ST3GAL2: variants seen among roughly 807,000 people sequenced by gnomAD.
ST3GAL2 encodes the protein ST3 beta-galactoside alpha-2,3-sialyltransferase 2, also known as CMP-N-acetylneuraminate-beta-galactosamide-alpha-2,3-sialyltransferase 2.
A neutral mutation model predicts 37.5 loss-of-function variants in ST3GAL2; 16 were observed. That is an observed-to-expected ratio of 0.43 (90% confidence interval 0.29 to 0.65). The LOEUF (loss-of-function observed/expected upper bound fraction) is 0.65, where lower values mean the gene tolerates loss of function less well. Ranked by LOEUF, ST3GAL2 falls within the 30% of genes least tolerant of loss-of-function variation. The pLI is 0.17. For missense variants in ST3GAL2, 383 were observed against 487.8 expected (o/e 0.79, Z 2.02); for synonymous variants, 238 against 202.9 (o/e 1.17, Z -1.47).
At chr16:70,394,724 G>T (rs1316907611) in intron 3 of ST3GAL2, among the ~76,000 whole-genome samples, 1 of 152,224 alleles carries the variant, frequency 6.6e-6, no homozygotes, top group African/African-American at 2.4e-5. Context: ...TCTAATGTCA[G>T]CTCTTTCCAG....
chr16:70,383,008 C>G, intron 5 of ST3GAL2, 84 bp from the exon 6 acceptor site: 1 of 1,585,514 alleles, frequency 6.3e-7, no homozygotes, highest in Non-Finnish European at 8.6e-7. Flanking sequence ...CTTGTCTATG[C>G]CTGTCAGAGA....
intron 3 of ST3GAL2, among the ~76,000 whole-genome samples, chr16:70,392,392 C>G (rs1261788812): frequency 6.6e-6 from 1 of 152,240 alleles, no homozygotes; most frequent in African/African-American, 2.4e-5. Flanking sequence ...AGAAATCTAT[C>G]TGTCCTTGGC....
intron 4 of ST3GAL2, among the ~76,000 whole-genome samples, chr16:70,386,560 G>A (rs1396256394): frequency 1.3e-5 from 2 of 151,382 alleles, no homozygotes; most frequent in Non-Finnish European, 2.9e-5. Context: ...GGATGGTCTT[G>A]ATCTCTTGAC....
In ST3GAL2 at chr16:70,399,122, G is replaced by A. The variant is rs78372238; in HGVS notation, c.-592C>T. The A allele has an allele frequency of 1.0e-5, 4 of 399,954 alleles. No homozygotes were observed. Among genetic ancestry groups the A allele is most frequent in the Non-Finnish European group, 1.3e-5 (3 of 227,174 alleles). 24.8% of individuals were successfully genotyped at this position (399,954 alleles called of 1,614,324 possible). On this transcript the variant is annotated 5_prime_UTR_variant, in exon 2 of 7. Transcript: ENST00000342907. ...GGGGAGCCAGACCCCAACCCTGAGA[G>A]GACAAAAACAGGAAGCTCTGTGAGT...
At chr16:70,384,728 A>G (rs2047430529) in intron 4 of ST3GAL2, among the ~76,000 whole-genome samples, 1 of 143,828 alleles carries the variant, frequency 7.0e-6, no homozygotes, top group Non-Finnish European at 1.5e-5. Flanking sequence ...AAAAAAAAAC[A>G]CAATAGTCAA....
intron 1 of ST3GAL2, among the ~76,000 whole-genome samples, chr16:70,423,860 G>A (rs2047732465): frequency 6.6e-6 from 1 of 151,014 alleles, no homozygotes; most frequent in Non-Finnish European, 1.5e-5. Context: ...CACGAGGTCA[G>A]GAGACAGAGA....
At chr16:70,395,239 C>G in intron 2 of ST3GAL2, 64 bp from the exon 3 acceptor site, 1 of 1,453,710 alleles carries the variant, frequency 6.9e-7, no homozygotes, top group Non-Finnish European at 9.3e-7. Context: ...AGGAGGGGCC[C>G]CGGCCTCCCC....
intron 4 of ST3GAL2, among the ~76,000 whole-genome samples, chr16:70,384,916 C>A (rs533594376): frequency 6.9e-6 from 1 of 145,476 alleles, no homozygotes; most frequent in Non-Finnish European, 1.5e-5. Context: ...GGCTGAGGCA[C>A]GAGAATCGCT....
chr16:70,384,984 G>A (rs912659907), intron 4 of ST3GAL2, among the ~76,000 whole-genome samples: 2 of 150,670 alleles, frequency 1.3e-5, no homozygotes, highest in African/African-American at 4.9e-5. Flanking sequence ...ACTACATGCT[G>A]GGCAACAGAG....
chr16:70,437,635 A>C (rs1351331292), intron 1 of ST3GAL2, among the ~76,000 whole-genome samples: 2 of 152,044 alleles, frequency 1.3e-5, no homozygotes, highest in Non-Finnish European at 2.9e-5. Context: ...ATCACCGCCC[A>C]CATACTCTGT....
At chr16:70,437,885 G>A (rs1301202612) in intron 1 of ST3GAL2, among the ~76,000 whole-genome samples, 3 of 152,158 alleles carry the variant, frequency 2.0e-5, no homozygotes, top group Non-Finnish European at 4.4e-5. Context: ...GACGAGGCGG[G>A]AGTGTGTTAC....
chr16:70,436,360 A>G (rs2047825312), intron 1 of ST3GAL2, among the ~76,000 whole-genome samples: 1 of 150,952 alleles, frequency 6.6e-6, no homozygotes, highest in African/African-American at 2.4e-5. Flanking sequence ...CCGAGACAAG[A>G]GAATTGCTTG....
Position 70,381,027 on chromosome 16 carries a change from C to G in ST3GAL2, c.*662G>C, listed in dbSNP as rs909774954. 1 of 152,532 alleles carries G rather than the reference C, an allele frequency of 6.6e-6. No homozygotes were observed. The highest frequency in any genetic ancestry group is 2.4e-5 in the African/African-American group (1 of 41,472). 9.4% of individuals were successfully genotyped at this position (152,532 alleles called of 1,614,324 possible). On this transcript the variant is annotated 3_prime_UTR_variant, in exon 7 of 7. Coordinates refer to ENST00000342907, the MANE Select transcript of ST3GAL2 (RefSeq NM_006927.4). ...GGGCTTCCTCGAGCTCTGCCCTGTCCCCTCCACCTGTCCGGAGTTCGGCCC... is the reference window on the plus strand; with the variant it reads ...GGGCTTCCTCGAGCTCTGCCCTGTCGCCTCCACCTGTCCGGAGTTCGGCCC...
Position 70,420,012 on chromosome 16 carries a change from C to CT in ST3GAL2, c.-1004+18936_-1004+18937insA, listed in dbSNP as rs923000048. ...AGGGACACCACAACTGACCATTTGA[C>CT]CCCCCCCTTCCCTTTTTTTTTTTTT... On this transcript the variant is annotated intron_variant, in intron 1 of 6. Transcript: ENST00000342907. Among the ~76,000 whole-genome samples the CT allele has an allele frequency of 1.2e-3, 55 of 45,286 alleles. 2 individuals carry two copies. Among genetic ancestry groups the CT allele is most frequent in the Non-Finnish European group, 1.4e-3 (20 of 14,378 alleles). The allele number at this position is 45,286 out of a possible 152,430, so 29.7% of individuals were successfully genotyped here. A position where few individuals can be genotyped will look rare whatever the true frequency, so the allele number is the denominator to read the frequency against.
chr16:70,415,378 C>A (rs184104021), intron 1 of ST3GAL2, among the ~76,000 whole-genome samples: 2 of 151,786 alleles, frequency 1.3e-5, no homozygotes, highest in Non-Finnish European at 1.5e-5. Flanking sequence ...TACAGCCCTC[C>A]GGGCGGCACG....
At chr16:70,420,031 T>C (rs866579981) in intron 1 of ST3GAL2, among the ~76,000 whole-genome samples, 10,670 of 149,132 alleles carry the variant, frequency 0.072, 1,332 homozygotes, top group African/African-American at 0.25. Context: ...TCCCTTTTTT[T>C]TTTTTTTTTT....
Position 70,395,147 on chromosome 16 carries a change from T to G in ST3GAL2, c.368A>C (p.Asn123Thr). The G allele has an allele frequency of 6.2e-7, 1 of 1,608,278 alleles. No homozygotes were observed. The highest frequency in any genetic ancestry group is 1.1e-5 in the South Asian group (1 of 90,428). The change falls in exon 3 of 7, where the codon AAC becomes ACC. Residue 123 changes from asparagine (N) to threonine (T), a missense_variant. Asn to Thr is a moderately conservative substitution (Grantham distance 65). Around this residue, in one of 2 missense-constraint regions of ST3GAL2, gnomAD observed 223 missense variants for 239.1 expected, o/e 0.93. Coordinates refer to ENST00000342907, the MANE Select transcript of ST3GAL2 (RefSeq NM_006927.4). ...CAGCTTCTCCAGCACCTCATTGGTGTTGTGTGACTTGAACTGGGGCTGCAG... is the reference window on the plus strand; with the variant it reads ...CAGCTTCTCCAGCACCTCATTGGTGGTGTGTGACTTGAACTGGGGCTGCAG... The part of the protein sequence containing the change: ...MMLQPQFKSH[N>T]TNEVLEKLFQ...
At chr16:70,384,428 C>T (rs1354902757) in intron 4 of ST3GAL2, among the ~76,000 whole-genome samples, 3 of 152,104 alleles carry the variant, frequency 2.0e-5, no homozygotes, top group African/African-American at 7.2e-5. Flanking sequence ...AAATCAGGGC[C>T]GGGTGCGGTG....
At position 70,376,677 on chromosome 16, in the gene ST3GAL2, T is replaced by G. The variant is rs192024867; in HGVS notation, c.*5012A>C. 2 of 152,180 alleles carry G rather than the reference T, an allele frequency of 1.3e-5. No homozygotes were observed. The highest frequency in any genetic ancestry group is 6.6e-5 in the Admixed American group (1 of 15,262). The allele number at this position is 152,180 out of a possible 1,614,324, so 9.4% of individuals were successfully genotyped here. A position where few individuals can be genotyped will look rare whatever the true frequency, so the allele number is the denominator to read the frequency against. The stretch of plus-strand genomic sequence containing the variant: ...TATAGTTTCAGTATTTTACCTTCCC[T>G]GATGCCTCTGACCTTGCCAGACAGT... On this transcript the variant is annotated 3_prime_UTR_variant, in exon 7 of 7. Transcript: ENST00000342907.
Sources: gnomAD v4.1 joint callset for allele counts (sites outside exome capture counted in the v4.1 genomes callset) on GRCh38, gnomAD v4.1.1 for gene constraint, gnomAD v4.1.1 regional missense constraint, MANE v1.5 for transcripts, NCBI Gene and HGNC (gene_info 2026-07-23, HGNC 2026-07-21) for gene names.